DHRSX: variants seen among roughly 807,000 people sequenced by gnomAD.
The protein encoded by DHRSX is polyprenol dehydrogenase.
Under a neutral mutation model 34.0 loss-of-function variants are expected in DHRSX, and 31 were observed. That is an observed-to-expected ratio of 0.91 (90% CI 0.69 to 1.23). The LOEUF (loss-of-function observed/expected upper bound fraction) is 1.23. Among genes scored for constraint, DHRSX ranks in the 50% most tolerant of loss-of-function variants. DHRSX has a pLI of 0.00. For synonymous variants in DHRSX, 201 were observed against 183.8 expected (o/e 1.09, Z -0.76); for missense variants, 414 against 428.1 (o/e 0.97, Z 0.29).
intron 1 of DHRSX, chrX:2,500,383 T>C: frequency 5.8e-6 from 1 of 172,836 alleles, no homozygotes; most frequent in South Asian, 1.1e-4. Context: ...GGGCGCGCGG[T>C]CACTGGCCGA....
chrX:2,306,014 C>T (rs2042092941), intron 3 of DHRSX, among the ~76,000 whole-genome samples: 1 of 73,788 alleles, frequency 1.4e-5, no homozygotes, highest in Admixed American at 1.2e-4. Flanking sequence ...CTAACTCATG[C>T]TGGGCTTTAA....
intron 3 of DHRSX, among the ~76,000 whole-genome samples, chrX:2,391,253 C>T (rs2043332153): frequency 6.6e-6 from 1 of 152,150 alleles, no homozygotes; most frequent in East Asian, 1.9e-4. Context: ...AAGAATTTGG[C>T]AGGATCAGTC....
intron 1 of DHRSX, among the ~76,000 whole-genome samples, chrX:2,437,822 T>C (rs978330829): frequency 1.4e-4 from 22 of 151,780 alleles, no homozygotes; most frequent in Non-Finnish European, 3.1e-4. Flanking sequence ...ATTTTCCTGA[T>C]ATGCAGTGTA....
At chrX:2,485,483 A>AGG (rs1036047830) in intron 1 of DHRSX, among the ~76,000 whole-genome samples, 5 of 137,810 alleles carry the variant, frequency 3.6e-5, no homozygotes, top group African/African-American at 1.3e-4. Context: ...GGAGGAAAAG[A>AGG]GGGAGGGAGG....
chrX:2,469,864 A>G (rs190292134), intron 1 of DHRSX, among the ~76,000 whole-genome samples: 14 of 152,304 alleles, frequency 9.2e-5, no homozygotes, highest in African/African-American at 3.1e-4. Flanking sequence ...CATCAGAGGA[A>G]AGAATGGTGT....
intron 3 of DHRSX, among the ~76,000 whole-genome samples, chrX:2,406,279 G>A (rs2043554666): frequency 6.6e-6 from 1 of 152,074 alleles, no homozygotes; most frequent in African/African-American, 2.4e-5. Context: ...GTGACAGAGT[G>A]AGACTCCGTC....
intron 2 of DHRSX, among the ~76,000 whole-genome samples, chrX:2,420,595 T>C (rs1051186357): frequency 6.6e-6 from 1 of 150,438 alleles, no homozygotes; most frequent in African/African-American, 2.4e-5. Flanking sequence ...ATACAAAAAT[T>C]AGCTGGGTGT....
At chrX:2,477,306 C>A (rs189136202) in intron 1 of DHRSX, among the ~76,000 whole-genome samples, 2,592 of 152,240 alleles carry the variant, frequency 0.017, 63 homozygotes, top group East Asian at 0.084. Flanking sequence ...TGTTCACAGC[C>A]GTGATTAAGG....
chrX:2,425,892 A>C (rs888560220), intron 1 of DHRSX, among the ~76,000 whole-genome samples: 15 of 152,260 alleles, frequency 9.9e-5, no homozygotes, highest in African/African-American at 3.6e-4. Flanking sequence ...CAAGGGAAGG[A>C]ACAGGCGAGT....
intron 1 of DHRSX, among the ~76,000 whole-genome samples, chrX:2,481,515 A>C (rs929328805): frequency 1.3e-5 from 2 of 151,944 alleles, no homozygotes; most frequent in Non-Finnish European, 1.5e-5. Context: ...AAAATATAAA[A>C]ATTAGCTGGC....
Position 2,291,570 on chromosome X carries a change from G to C in DHRSX, c.320C>G (p.Thr107Ser), listed in dbSNP as rs1569484470. The C allele has an allele frequency of 6.2e-7, 1 of 1,613,778 alleles. No individual in the cohort carries two copies. ...CTTCTGCACAAACTGCCGGATGGAAGTCATGGAAGCCAAGTCACAGTATAA... is the reference window on the plus strand; with the variant it reads ...CTTCTGCACAAACTGCCGGATGGAACTCATGGAAGCCAAGTCACAGTATAA... Reference protein sequence around the residue: ...EFLYCDLASMTSIRQFVQKFK... With the variant: ...EFLYCDLASMSSIRQFVQKFK... The change falls in exon 4 of 7, where the codon ACT becomes AGT. Residue 107 changes from threonine (T) to serine (S), a missense_variant. Physicochemically the swap from Thr to Ser is moderately conservative, Grantham distance 58. Transcript: ENST00000334651.
rs1458680817 is a variant in DHRSX at position 2,259,369 on chromosome X, T to G, written c.596+7371A>C. ...ATAGATATATAGATAGATATAGATA[T>G]ATATAGATATATATATAGATATATA... On this transcript the variant is annotated intron_variant, in intron 5 of 6. Transcript: ENST00000334651. Among the ~76,000 whole-genome samples the G allele has an allele frequency of 1.1e-3, 86 of 78,362 alleles. 1 individual carries two copies. The highest frequency in any genetic ancestry group is 3.6e-3 in the Admixed American group (32 of 8,834). 51.4% of individuals were successfully genotyped at this position (78,362 alleles called of 152,430 possible).
intron 5 of DHRSX, among the ~76,000 whole-genome samples, chrX:2,255,695 G>A (rs1386193558): frequency 1.3e-5 from 2 of 151,874 alleles, no homozygotes; most frequent in Non-Finnish European, 2.9e-5. Flanking sequence ...CAGATCATTC[G>A]AGGTCAGGAG....
intron 3 of DHRSX, among the ~76,000 whole-genome samples, chrX:2,399,958 C>T (rs1179517823): frequency 6.6e-6 from 1 of 152,012 alleles, no homozygotes; most frequent in Admixed American, 6.6e-5. Flanking sequence ...AAGTTTCCTA[C>T]TGAGGAGTTT....
At chrX:2,500,152 A>G (rs2045380069) in intron 1 of DHRSX, among the ~76,000 whole-genome samples, 1 of 152,182 alleles carries the variant, frequency 6.6e-6, no homozygotes, top group South Asian at 2.1e-4. Flanking sequence ...AAAGTTGGAG[A>G]TCTGTGACTC....
In DHRSX at chrX:2,464,532, A is replaced by G. The variant is rs1189380785; in HGVS notation, c.109+36285T>C. Among the ~76,000 whole-genome samples the G allele has an allele frequency of 5.6e-5, 8 of 142,192 alleles. 1 individual carries two copies. Among genetic ancestry groups the G allele is most frequent in the Non-Finnish European group, 1.5e-5 (1 of 65,014 alleles). 93.3% of individuals were successfully genotyped at this position (142,192 alleles called of 152,430 possible). A position where few individuals can be genotyped will look rare whatever the true frequency, so the allele number is the denominator to read the frequency against. On this transcript the variant is annotated intron_variant, in intron 1 of 6. Coordinates refer to ENST00000334651, the MANE Select transcript of DHRSX (RefSeq NM_145177.3). ...GTGTGCACACTGAAGATGTTCCCTA[A>G]GAATGTGGGTAAGGGACCCCCGCCA...
chrX:2,294,806 A>G (rs777746152), intron 3 of DHRSX, among the ~76,000 whole-genome samples: 5 of 120,138 alleles, frequency 4.2e-5, no homozygotes, highest in Non-Finnish European at 6.1e-5. Flanking sequence ...AGAGAGAGAG[A>G]GGAAAAAGAG....
intron 1 of DHRSX, among the ~76,000 whole-genome samples, chrX:2,450,894 G>C (rs1231634883): frequency 6.6e-6 from 1 of 151,922 alleles, no homozygotes; most frequent in African/African-American, 2.4e-5. Flanking sequence ...TGAGATCATG[G>C]GGATCGAGCC....
At chrX:2,299,683 G>C (rs773081816) in intron 3 of DHRSX, among the ~76,000 whole-genome samples, 227 of 151,774 alleles carry the variant, frequency 1.5e-3, no homozygotes, top group African/African-American at 5.0e-3. Context: ...GGTGAAATCC[G>C]GTCTCTACTA....
Sources: gnomAD v4.1 joint callset for allele counts (sites outside exome capture counted in the v4.1 genomes callset) on GRCh38, gnomAD v4.1.1 for gene constraint, MANE v1.5 for transcripts, NCBI Gene and HGNC (gene_info 2026-07-23, HGNC 2026-07-21) for gene names.